Variants in TTLL11 observed in about 807,000 individuals in gnomAD.
TTLL11 encodes the protein tubulin polyglutamylase TTLL11.
A neutral mutation model predicts 51.7 loss-of-function variants in TTLL11; 42 were observed. The observed-to-expected ratio is 0.81, with a 90% CI of 0.64 to 1.05. The LOEUF (loss-of-function observed/expected upper bound fraction) is 1.05. Among genes scored for constraint, TTLL11 ranks in the 50% least tolerant of loss-of-function variants. The pLI, the probability that TTLL11 is intolerant of heterozygous loss-of-function variation, is 0.00. For missense variants in TTLL11, 799 were observed against 940.4 expected, an observed-to-expected ratio of 0.85 and a Z score of 1.97; for synonymous variants, 381 against 383.5, an observed-to-expected ratio of 0.99 and a Z score of 0.08.
chr9:122,006,048 T>C (rs1201891462), intron 3 of TTLL11, among the ~76,000 whole-genome samples: 1 of 152,172 alleles, frequency 6.6e-6, no homozygotes, highest in Non-Finnish European at 1.5e-5. Flanking sequence ...ATAAGAATCA[T>C]GTAAATAAGG....
chr9:121,898,803 A>G (rs528376164), intron 6 of TTLL11, among the ~76,000 whole-genome samples: 8 of 152,262 alleles, frequency 5.3e-5, no homozygotes, highest in African/African-American at 1.7e-4. Context: ...ACAGCCACAT[A>G]CATGGTTTAG....
At chr9:121,891,507 C>G (rs1839230143) in intron 6 of TTLL11, among the ~76,000 whole-genome samples, 1 of 152,212 alleles carries the variant, frequency 6.6e-6, no homozygotes, top group Admixed American at 6.5e-5. Context: ...CATAATTTGT[C>G]ATCTCTGGGG....
chr9:122,035,438 C>T (rs865936698), intron 2 of TTLL11, among the ~76,000 whole-genome samples: 3 of 152,198 alleles, frequency 2.0e-5, no homozygotes, highest in Non-Finnish European at 4.4e-5. Flanking sequence ...TGGTGGGTCT[C>T]ACCCCATTCA....
At chr9:121,953,632 C>CAAAAA (rs57176138) in intron 6 of TTLL11, among the ~76,000 whole-genome samples, 15 of 70,846 alleles carry the variant, frequency 2.1e-4, no homozygotes, top group Non-Finnish European at 3.3e-4. Flanking sequence ...GATGCCGCCT[C>CAAAAA]AAAAAAAAAA....
chr9:121,890,331 G>T lies in TTLL11; in HGVS notation c.1482-19583C>A, dbSNP rs1419203270. Among the ~76,000 whole-genome samples the T allele has an allele frequency of 6.6e-6, 1 of 152,140 alleles. No individual in the cohort carries two copies. Among genetic ancestry groups the T allele is most frequent in the Admixed American group, 6.5e-5 (1 of 15,282 alleles). ...TTCACACACATCTCTGCCATCACTTGTCAGCTCATCATGGGTCACCTGAAC... is the reference window on the plus strand; with the variant it reads ...TTCACACACATCTCTGCCATCACTTTTCAGCTCATCATGGGTCACCTGAAC... On this transcript the variant is annotated intron_variant, in intron 6 of 8. Transcript: ENST00000321582. The surrounding 1 kb of genome is among the most constrained non-coding windows in gnomAD (Gnocchi z 4.3).
intron 6 of TTLL11, among the ~76,000 whole-genome samples, chr9:121,911,837 G>T (rs905613136): frequency 2.6e-5 from 4 of 152,174 alleles, no homozygotes; most frequent in Middle Eastern, 3.4e-3. Flanking sequence ...TGTAGATGAT[G>T]GGTTGATGGG....
intron 1 of TTLL11, among the ~76,000 whole-genome samples, chr9:122,086,115 AAC>A (rs1392745788): frequency 3.3e-5 from 5 of 152,380 alleles, no homozygotes; most frequent in African/African-American, 1.2e-4. Context: ...TATGTTTTAT[AAC>A]ACAGAAAACA....
intron 3 of TTLL11, among the ~76,000 whole-genome samples, chr9:121,993,654 G>A (rs1254748146): frequency 1.3e-5 from 2 of 152,242 alleles, no homozygotes; most frequent in African/African-American, 2.4e-5. Context: ...TGATCTATAA[G>A]AGGAGGAGAT....
At chr9:121,982,206 A>G (rs1193270661) in intron 4 of TTLL11, among the ~76,000 whole-genome samples, 1 of 152,236 alleles carries the variant, frequency 6.6e-6, no homozygotes, top group Non-Finnish European at 1.5e-5. Flanking sequence ...TGAGGCAACC[A>G]TAAGACTCAC....
intron 6 of TTLL11, among the ~76,000 whole-genome samples, chr9:121,936,884 G>A (rs12000458): frequency 0.26 from 40,036 of 152,036 alleles, 5,855 homozygotes; most frequent in African/African-American, 0.4. Context: ...CCTAAACACT[G>A]TCGTTAAATG....
intron 1 of TTLL11, chr9:122,040,538 A>G: frequency 2.4e-6 from 1 of 414,038 alleles, no homozygotes; most frequent in Non-Finnish European, 3.3e-6. Flanking sequence ...GCTTGTTAAA[A>G]GTGCACACAA....
In TTLL11 at chr9:121,956,583, G is replaced by A. The variant is rs190730562; in HGVS notation, c.1481+17426C>T. ...CCTCCATCACTGTGCATGAGGATGGGGCCTACTGGCCGCCCTGCTGAGAGC... is the reference window on the plus strand; with the variant it reads ...CCTCCATCACTGTGCATGAGGATGGAGCCTACTGGCCGCCCTGCTGAGAGC... On this transcript the variant is annotated intron_variant, in intron 6 of 8. Coordinates refer to ENST00000321582, the MANE Select transcript of TTLL11 (RefSeq NM_001139442.2). Among the ~76,000 whole-genome samples, 216 of 152,314 alleles carry A rather than the reference G, an allele frequency of 1.4e-3. 1 individual carries two copies. Among genetic ancestry groups the A allele is most frequent in the African/African-American group, 4.9e-3 (204 of 41,574 alleles).
chr9:122,073,131 CA>C lies in TTLL11; in HGVS notation c.462+19555del, dbSNP rs558138992. 9.9e-5 allele frequency among the ~76,000 whole-genome samples: 15 copies of C among 152,196 alleles called. No individual in the cohort carries two copies. The South Asian group carries it at 3.1e-3, about 32-fold the overall frequency. ...TTGAATTTAAAATCTGGTGGGAGGC[CA>C]GGGGTGGTGGCTCACACCTATAATC... On this transcript the variant is annotated intron_variant, in intron 1 of 8. Coordinates refer to ENST00000321582, the MANE Select transcript of TTLL11 (RefSeq NM_001139442.2).
At chr9:122,035,389 C>T (rs1844674535) in intron 2 of TTLL11, among the ~76,000 whole-genome samples, 1 of 152,224 alleles carries the variant, frequency 6.6e-6, no homozygotes, top group Non-Finnish European at 1.5e-5. Context: ...CCTTCTGAGG[C>T]CTGGGCTTTT....
intron 1 of TTLL11, among the ~76,000 whole-genome samples, chr9:122,053,177 G>T (rs10985509): frequency 6.6e-6 from 1 of 151,994 alleles, no homozygotes; most frequent in African/African-American, 2.4e-5. Flanking sequence ...CCAGGAGCCG[G>T]GTCGGGGTAG....
At chr9:121,826,547 ATATGTGTGTG>A (rs1227146733) in intron 8 of TTLL11, among the ~76,000 whole-genome samples, 2,309 of 35,052 alleles carry the variant, frequency 0.066, 129 homozygotes, top group African/African-American at 0.18. Context: ...GTATATATAT[ATATGTGTGTG>A]TATATATATA....
At chr9:121,888,909 T>A (rs916434600) in intron 6 of TTLL11, among the ~76,000 whole-genome samples, 1 of 152,210 alleles carries the variant, frequency 6.6e-6, no homozygotes, top group African/African-American at 2.4e-5. Context: ...GCAGGAACTA[T>A]CAGCCCAGAT....
At chr9:122,035,584 T>C (rs1844679645) in intron 2 of TTLL11, among the ~76,000 whole-genome samples, 1 of 152,244 alleles carries the variant, frequency 6.6e-6, no homozygotes, top group African/African-American at 2.4e-5. Flanking sequence ...TTTATAACAA[T>C]AATTCTTGGC....
chr9:121,834,921 C>G (rs953701905), intron 8 of TTLL11, among the ~76,000 whole-genome samples: 1 of 152,078 alleles, frequency 6.6e-6, no homozygotes, highest in East Asian at 1.9e-4. Flanking sequence ...AGCGCTATCA[C>G]AATAGTGGTT....
Sources: gnomAD v4.1 joint callset for allele counts (sites outside exome capture counted in the v4.1 genomes callset) on GRCh38, gnomAD v4.1.1 for gene constraint, Gnocchi (gnomAD v3.1) non-coding constraint, MANE v1.5 for transcripts, NCBI Gene and HGNC (gene_info 2026-07-23, HGNC 2026-07-21) for gene names.